The following YTHDC1 variants were observed in gnomAD, a reference collection of about 807,000 sequenced individuals.
YTHDC1 encodes YTH domain-containing protein 1.
In YTHDC1, 12 loss-of-function variants were observed where a neutral mutation model predicts 107.0. The observed-to-expected ratio is 0.11, with a 90% CI of 0.07 to 0.18. The LOEUF (loss-of-function observed/expected upper bound fraction) is 0.18. YTHDC1 is among the 10% of genes least tolerant of loss of function. YTHDC1 has a pLI of 1.00. For missense variants in YTHDC1, 635 were observed against 898.8 expected (o/e 0.71, Z 3.75); for synonymous variants, 280 against 289.5 (o/e 0.97, Z 0.33).
intron 9 of YTHDC1, among the ~76,000 whole-genome samples, chr4:68,328,586 A>C (rs2109706801): frequency 6.6e-6 from 1 of 152,336 alleles, no homozygotes; most frequent in East Asian, 1.9e-4. Context: ...TATATTTAAG[A>C]GACAAACTAT....
chr4:68,349,977 C>T lies in YTHDC1; in HGVS notation c.-224G>A. ...TCCAGCGGCCTAGGCCCAGCCTTCT[C>T]GTTAGGGCTCAGACTCGGGCTAGGT... is the stretch of plus-strand genomic sequence containing the variant. On this transcript the variant is annotated 5_prime_UTR_variant, in exon 1 of 17. Coordinates refer to ENST00000344157, the MANE Select transcript of YTHDC1 (RefSeq NM_001031732.4). 4.7e-6 allele frequency: 3 copies of T among 632,440 alleles called. No individual in the cohort carries two copies. The highest frequency in any genetic ancestry group is 8.2e-6 in the Non-Finnish European group (3 of 366,056). 39.2% of individuals were successfully genotyped at this position (632,440 alleles called of 1,614,324 possible).
At chr4:68,314,986 T>C (rs917821357) in intron 16 of YTHDC1, among the ~76,000 whole-genome samples, 2 of 152,242 alleles carry the variant, frequency 1.3e-5, no homozygotes, top group African/African-American at 4.8e-5. Flanking sequence ...TTTATATATG[T>C]GATTATGTAA....
At chr4:68,316,177 C>CAA in intron 16 of YTHDC1, 137 bp downstream of exon 16, 3 of 870,070 alleles carry the variant, frequency 3.4e-6, no homozygotes, top group South Asian at 2.3e-5. Flanking sequence ...TTAATAAAAA[C>CAA]AAACAATTAT....
intron 1 of YTHDC1, among the ~76,000 whole-genome samples, chr4:68,344,594 T>TA (rs758881413): frequency 6.6e-6 from 1 of 152,220 alleles, no homozygotes; most frequent in Non-Finnish European, 1.5e-5. Flanking sequence ...AGCTGGCTGA[T>TA]AGATTCCACA....
Position 68,337,880 on chromosome 4 carries a change from G to C in YTHDC1, c.151C>G (p.Arg51Gly). The C allele has an allele frequency of 6.2e-7, 1 of 1,611,018 alleles. No homozygotes were observed. Among genetic ancestry groups the C allele is most frequent in the Non-Finnish European group, 8.5e-7 (1 of 1,179,700 alleles). Reference sequence around the variant, plus strand: ...CGTTTGGTATCAGTAGATTCCATTCGATCACTTTTTCTTTTTGATCCTTTA... The same window carrying C: ...CGTTTGGTATCAGTAGATTCCATTCCATCACTTTTTCTTTTTGATCCTTTA... Reference protein sequence around the residue: ...EKKGSKRKSDRMESTDTKRQK... With the variant: ...EKKGSKRKSDGMESTDTKRQK... Residue 51 changes from arginine to glycine, a missense_variant, in exon 3 of 17, where the codon CGA becomes GGA. Coordinates refer to ENST00000344157, the MANE Select transcript of YTHDC1 (RefSeq NM_001031732.4).
At chr4:68,320,280 C>T in intron 11 of YTHDC1, 75 bp from the exon 12 acceptor site, 1 of 1,077,306 alleles carries the variant, frequency 9.3e-7, no homozygotes, top group Non-Finnish European at 1.4e-6. Context: ...GAGTTTCTGA[C>T]AGAGATAAGT....
intron 2 of YTHDC1, 112 bp downstream of exon 2, chr4:68,338,171 T>C: frequency 3.8e-6 from 5 of 1,299,868 alleles, no homozygotes; most frequent in Non-Finnish European, 5.3e-6. Context: ...GTACATTTAG[T>C]GTTAACTGCC....
chr4:68,344,824 T>G (rs777231112), intron 1 of YTHDC1, among the ~76,000 whole-genome samples: 4 of 152,152 alleles, frequency 2.6e-5, no homozygotes, highest in Non-Finnish European at 5.9e-5. Flanking sequence ...TAGCTTGAGC[T>G]CAGGAGCTTG....
chr4:68,322,673 C>A lies in YTHDC1; in HGVS notation c.1601+76G>T. 6.7e-7 allele frequency: 1 copy of A among 1,503,420 alleles called. No individual in the cohort carries two copies. The allele number at this position is 1,503,420 out of a possible 1,614,324, so 93.1% of individuals were successfully genotyped here. A position where few individuals can be genotyped will look rare whatever the true frequency, so the allele number is the denominator to read the frequency against. ...TCTTTCTTCTTTACCGCAGGACAAA[C>A]TTTTGACGAATCATATTCCTCCATC... On this transcript the variant is annotated intron_variant, in intron 11 of 16. Transcript: ENST00000344157. This position sits in a 1 kb window ranked among gnomAD's most constrained non-coding sequence, Gnocchi z 4.8.
intron 1 of YTHDC1, among the ~76,000 whole-genome samples, chr4:68,339,855 A>G (rs1364862515): frequency 6.6e-6 from 1 of 152,210 alleles, no homozygotes; most frequent in Non-Finnish European, 1.5e-5. Context: ...ACTTTATTCA[A>G]TGATCATGAA....
intron 16 of YTHDC1, chr4:68,315,735 A>G (rs1162081343): frequency 6.6e-6 from 1 of 152,200 alleles, no homozygotes; most frequent in African/African-American, 2.4e-5. Flanking sequence ...CATCAAAAAA[A>G]GCTTTCACAT....
rs112008098 is a variant in YTHDC1, at chr4:68,345,498, G to A, written c.28+4228C>T. 8.5e-5 allele frequency among the ~76,000 whole-genome samples: 13 copies of A among 152,124 alleles called. No homozygotes were observed. In the East Asian group the frequency reaches 1.7e-3, roughly 20 times the overall value. Reference sequence around the variant, plus strand: ...CCCCTTCTATTGTCTTGTAATGTACGTTGTACATTTAGACCAGTTTCTCAG... The same window carrying A: ...CCCCTTCTATTGTCTTGTAATGTACATTGTACATTTAGACCAGTTTCTCAG... On this transcript the variant is annotated intron_variant, in intron 1 of 16. Coordinates refer to ENST00000344157, the MANE Select transcript of YTHDC1 (RefSeq NM_001031732.4).
At chr4:68,321,606 A>C (rs1296332556) in intron 11 of YTHDC1, among the ~76,000 whole-genome samples, 1 of 152,210 alleles carries the variant, frequency 6.6e-6, no homozygotes, top group Non-Finnish European at 1.5e-5. Flanking sequence ...TCTTAGCTTA[A>C]AACTTCAAAA....
chr4:68,337,865 C>A lies in YTHDC1; in HGVS notation c.166G>T (p.Asp56Tyr), dbSNP rs1021974425. Residue 56 changes from aspartate (D) to tyrosine (Y), a missense_variant, in exon 3 of 17, where the codon GAT becomes TAT. Asp to Tyr is a radical substitution (Grantham distance 160, BLOSUM62 -3). This residue lies in a region of YTHDC1 where 294 missense variants were observed against 312.3 expected (regional missense o/e 0.94). Coordinates refer to ENST00000344157, the MANE Select transcript of YTHDC1 (RefSeq NM_001031732.4). ...KRKSDRMESTDTKRQKPSVHS... is the reference protein window; with the variant it reads ...KRKSDRMESTYTKRQKPSVHS... ...ACAGAAGGCTTTTGTCGTTTGGTAT[C>A]AGTAGATTCCATTCGATCACTTTTT... 1.2e-5 allele frequency: 20 copies of A among 1,612,644 alleles called. No individual in the cohort carries two copies. The highest frequency in any genetic ancestry group is 1.6e-5 in the Non-Finnish European group (19 of 1,179,900).
chr4:68,342,680 G>T (rs550652663), intron 1 of YTHDC1, among the ~76,000 whole-genome samples: 1 of 152,230 alleles, frequency 6.6e-6, no homozygotes, highest in South Asian at 2.1e-4. Context: ...GTAAACTGCT[G>T]CTTCTGGCCA....
chr4:68,338,211 A>AT (rs774516502), intron 2 of YTHDC1, 72 bp downstream of exon 2: 61 of 1,417,076 alleles, frequency 4.3e-5, no homozygotes, highest in South Asian at 1.2e-4. Context: ...AAGCACAGTC[A>AT]TTTTTTTTAA....
At position 68,313,576 on chromosome 4, in the gene YTHDC1, T is replaced by G. The variant is rs1721482045; in HGVS notation, c.*523A>C. 1 of 153,392 alleles carries G rather than the reference T, an allele frequency of 6.5e-6. No individual in the cohort carries two copies. Among genetic ancestry groups the G allele is most frequent in the Non-Finnish European group, 1.5e-5 (1 of 68,656 alleles). The allele number at this position is 153,392 out of a possible 1,614,324, so 9.5% of individuals were successfully genotyped here. A position where few individuals can be genotyped will look rare whatever the true frequency, so the allele number is the denominator to read the frequency against. Reference sequence around the variant, plus strand: ...GACTGAGGAAAAATAAAAAGTGACTTTATAAGTTTTTTAAAAAAAGAGGCA... The same window carrying G: ...GACTGAGGAAAAATAAAAAGTGACTGTATAAGTTTTTTAAAAAAAGAGGCA... On this transcript the variant is annotated 3_prime_UTR_variant, in exon 17 of 17. Coordinates refer to ENST00000344157, the MANE Select transcript of YTHDC1 (RefSeq NM_001031732.4).
At chr4:68,323,236 A>G (rs1419345557) in intron 10 of YTHDC1, among the ~76,000 whole-genome samples, 1 of 152,200 alleles carries the variant, frequency 6.6e-6, no homozygotes, top group African/African-American at 2.4e-5. Context: ...AAGGTCATTT[A>G]ATACAATGGA....
chr4:68,322,763 G>A lies in YTHDC1; in HGVS notation c.1587C>T (p.Val529=), dbSNP rs1299909460. Residue 529 remains valine (V), a synonymous_variant, in exon 11 of 17, where the codon GTC becomes GTT. Coordinates refer to ENST00000344157, the MANE Select transcript of YTHDC1 (RefSeq NM_001031732.4). This position sits in a 1 kb window ranked among gnomAD's most constrained non-coding sequence, Gnocchi z 4.8. ...ACGTTTCTAACCTTCCCACATCCCG[G>A]ACTGGTTCTCGACGGGATGGACGTC... ...SRGRPSRREP[V]RDVGRRRPED... 6.2e-7 allele frequency: 1 copy of A among 1,614,040 alleles called. No individual in the cohort carries two copies. Among genetic ancestry groups the A allele is most frequent in the Non-Finnish European group, 8.5e-7 (1 of 1,179,978 alleles).
Sources: gnomAD v4.1 joint callset for allele counts (sites outside exome capture counted in the v4.1 genomes callset) on GRCh38, gnomAD v4.1.1 for gene constraint, gnomAD v4.1.1 regional missense constraint, Gnocchi (gnomAD v3.1) non-coding constraint, MANE v1.5 for transcripts, NCBI Gene and HGNC (gene_info 2026-07-23, HGNC 2026-07-21) for gene names.